ZNF84: variants seen among roughly 807,000 people sequenced by gnomAD.
ZNF84 encodes the protein zinc finger protein 84, also known as zinc finger protein HPF2.
In ZNF84, 12 loss-of-function variants were observed where a neutral mutation model predicts 14.8. The observed-to-expected ratio is 0.81, with a 90% confidence interval of 0.52 to 1.31. ZNF84 has a LOEUF of 1.31. Ranked by LOEUF, ZNF84 falls within the 50% of genes most tolerant of loss-of-function variation. The pLI is 0.00. For missense variants in ZNF84, 859 were observed against 878.6 expected (o/e 0.98, Z 0.28); for synonymous variants, 347 against 291.1 (o/e 1.19, Z -1.96).
chr12:133,047,024 A>G (rs1953994754), intron 2 of ZNF84, among the ~76,000 whole-genome samples: 1 of 148,886 alleles, frequency 6.7e-6, no homozygotes, highest in South Asian at 2.1e-4. Flanking sequence ...TTGGTCTCAA[A>G]CTTTTGGGCA....
chr12:133,039,683 AC>A (rs1317971194), intron 1 of ZNF84, among the ~76,000 whole-genome samples: 13 of 152,020 alleles, frequency 8.6e-5, no homozygotes, highest in Non-Finnish European at 2.9e-5. Context: ...TCCTTTTAAC[AC>A]CTCATTTGTT....
chr12:133,061,037 T>G lies in ZNF84; in HGVS notation c.*2105T>G, dbSNP rs1954254732. 6.6e-6 allele frequency: 1 copy of G among 152,240 alleles called. No homozygotes were observed. Among genetic ancestry groups the G allele is most frequent in the East Asian group, 1.9e-4 (1 of 5,198 alleles). 9.4% of individuals were successfully genotyped at this position (152,240 alleles called of 1,614,324 possible). ...CCTTTAATTATTGATTTTGCAACAT[T>G]TTGGGAAAGTTGGAATTTTAAATAA... On this transcript the variant is annotated 3_prime_UTR_variant, in exon 5 of 5. Coordinates refer to ENST00000539354, the MANE Select transcript of ZNF84 (RefSeq NM_001289971.2).
chr12:133,054,110 T>C (rs1954112920), intron 4 of ZNF84, among the ~76,000 whole-genome samples: 1 of 151,906 alleles, frequency 6.6e-6, no homozygotes, highest in Non-Finnish European at 1.5e-5. Context: ...ACCCCAACAC[T>C]CTGGGAGAGA....
intron 2 of ZNF84, 88 bp downstream of exon 2, chr12:133,041,570 T>G (rs1953890349): frequency 7.2e-7 from 1 of 1,393,940 alleles, no homozygotes; most frequent in East Asian, 2.3e-5. Flanking sequence ...TTTAAATAGT[T>G]AAGAAATCAG....
In ZNF84 at chr12:133,060,146, T is replaced by G. The variant is rs1017211519; in HGVS notation, c.*1214T>G. The G allele has an allele frequency of 4.6e-5, 7 of 152,206 alleles. No homozygotes were observed. Among genetic ancestry groups the G allele is most frequent in the Non-Finnish European group, 8.8e-5 (6 of 68,026 alleles). 9.4% of individuals were successfully genotyped at this position (152,206 alleles called of 1,614,324 possible). A position where few individuals can be genotyped will look rare whatever the true frequency, so the allele number is the denominator to read the frequency against. ...ATATATATATGTATCTTAAGTGATATGTAACCCAAATGTCACTATTTTAAT... is the reference window on the plus strand; with the variant it reads ...ATATATATATGTATCTTAAGTGATAGGTAACCCAAATGTCACTATTTTAAT... On this transcript the variant is annotated 3_prime_UTR_variant, in exon 5 of 5. Transcript: ENST00000539354.
Position 133,057,951 on chromosome 12 carries a change from TAGAG to T in ZNF84, c.1241_1244del (p.Glu414GlyfsTer37). The T allele has an allele frequency of 6.2e-7, 1 of 1,613,716 alleles. No homozygotes were observed. Among genetic ancestry groups the T allele is most frequent in the Non-Finnish European group, 8.5e-7 (1 of 1,179,928 alleles). On this transcript the variant is annotated frameshift_variant, in exon 5 of 5. Transcript: ENST00000539354. LOFTEE classifies it low-confidence loss of function (END_TRUNC). Reference sequence around the variant, plus strand: ...AATGCAGCGAGTGTAGGAAAGCATTTAGAGAGAGGTCGAGTCTCATTAATCATCA... The same window carrying T: ...AATGCAGCGAGTGTAGGAAAGCATTTAGAGGTCGAGTCTCATTAATCATCA...
Position 133,062,480 on chromosome 12 carries a change from A to G in ZNF84, c.*3548A>G, listed in dbSNP as rs1954281068. 6.6e-6 allele frequency: 1 copy of G among 152,468 alleles called. No individual in the cohort carries two copies. The highest frequency in any genetic ancestry group is 1.5e-5 in the Non-Finnish European group (1 of 68,208). 9.4% of individuals were successfully genotyped at this position (152,468 alleles called of 1,614,324 possible). A position where few individuals can be genotyped will look rare whatever the true frequency, so the allele number is the denominator to read the frequency against. ...TTGGTCATTCCAGCAATCTATGTCC[A>G]GGTTGTCAATTTCAGAGGTCTTATT... On this transcript the variant is annotated 3_prime_UTR_variant, in exon 5 of 5. Transcript: ENST00000539354.
chr12:133,041,565 A>G (rs2137328059), intron 2 of ZNF84, 83 bp downstream of exon 2: 4 of 1,427,902 alleles, frequency 2.8e-6, no homozygotes, highest in Non-Finnish European at 4.0e-6. Context: ...AAAAGTTTAA[A>G]TAGTTAAGAA....
At chr12:133,047,762 G>C in intron 2 of ZNF84, 193 bp from the exon 3 acceptor site, 1 of 510,710 alleles carries the variant, frequency 2.0e-6, no homozygotes. Context: ...TTAATCTTTA[G>C]GTTAACAGTT....
Position 133,058,986 on chromosome 12 carries a change from A to AT in ZNF84, c.*56dup, listed in dbSNP as rs1305657950. 1 of 1,493,898 alleles carries AT rather than the reference A, an allele frequency of 6.7e-7. No individual in the cohort carries two copies. The highest frequency in any genetic ancestry group is 1.4e-5 in the African/African-American group (1 of 71,558). 92.5% of individuals were successfully genotyped at this position (1,493,898 alleles called of 1,614,324 possible). On this transcript the variant is annotated 3_prime_UTR_variant, in exon 5 of 5. Coordinates refer to ENST00000539354, the MANE Select transcript of ZNF84 (RefSeq NM_001289971.2). ...ATCATCTTGGACTTCAGGAAATGCA[A>AT]TTATGATAACGTTTGTAGACAGTCA... is the stretch of plus-strand genomic sequence containing the variant.
At position 133,059,071 on chromosome 12, in the gene ZNF84, A is replaced by G; in HGVS notation, c.*139A>G. ...GAACTCTAAATGAGGTGGTGTATGG[A>G]AAGCCGATCATAATTCATAGAGTAG... On this transcript the variant is annotated 3_prime_UTR_variant, in exon 5 of 5. Transcript: ENST00000539354. 1.2e-6 allele frequency: 1 copy of G among 843,004 alleles called. No homozygotes were observed. The highest frequency in any genetic ancestry group is 1.8e-6 in the Non-Finnish European group (1 of 550,420). The allele number at this position is 843,004 out of a possible 1,614,324, so 52.2% of individuals were successfully genotyped here. A position where few individuals can be genotyped will look rare whatever the true frequency, so the allele number is the denominator to read the frequency against.
At chr12:133,052,304 A>G (rs1360904189) in intron 4 of ZNF84, among the ~76,000 whole-genome samples, 4 of 152,090 alleles carry the variant, frequency 2.6e-5, no homozygotes, top group African/African-American at 7.2e-5. Context: ...CAGTGTGTAC[A>G]TGGAGAGAGA....
chr12:133,048,175 T>C, intron 3 of ZNF84, 94 bp downstream of exon 3: 1 of 1,246,082 alleles, frequency 8.0e-7, no homozygotes, highest in Non-Finnish European at 1.1e-6. Context: ...ATAGCTAGGC[T>C]TCTGAAATTT....
rs931857410 is a variant in ZNF84 at position 133,042,850 on chromosome 12, A to G, written c.15+1368A>G. 2.6e-5 allele frequency among the ~76,000 whole-genome samples: 4 copies of G among 152,366 alleles called. No individual in the cohort carries two copies. The South Asian group carries it at 8.3e-4, about 32-fold the overall frequency. On this transcript the variant is annotated intron_variant, in intron 2 of 4. Coordinates refer to ENST00000539354, the MANE Select transcript of ZNF84 (RefSeq NM_001289971.2). The stretch of plus-strand genomic sequence containing the variant: ...TTTGATGAATTGTTATCAGTGGAAT[A>G]TGCATGAAATCACCACTCAGATCAG...
Position 133,058,959 on chromosome 12 carries a change from A to T in ZNF84, c.*27A>T. The T allele has an allele frequency of 6.5e-7, 1 of 1,543,418 alleles. No homozygotes were observed. Among genetic ancestry groups the T allele is most frequent in the Non-Finnish European group, 8.7e-7 (1 of 1,150,942 alleles). On this transcript the variant is annotated 3_prime_UTR_variant, in exon 5 of 5. Transcript: ENST00000539354. ...AATACAGTTAATAGTAGTCTTTGAC[A>T]GATCATCTTGGACTTCAGGAAATGC...
At chr12:133,040,866 G>A (rs1170509427) in intron 1 of ZNF84, 2 of 152,122 alleles carry the variant, frequency 1.3e-5, no homozygotes, top group African/African-American at 4.8e-5. Flanking sequence ...ATTAATAGAA[G>A]ATTTTAATAG....
At chr12:133,043,765 T>G (rs1275974472) in intron 2 of ZNF84, among the ~76,000 whole-genome samples, 2 of 152,006 alleles carry the variant, frequency 1.3e-5, no homozygotes, top group Non-Finnish European at 2.9e-5. Context: ...ATTTTTTTAT[T>G]TTTTTTGAGG....
intron 2 of ZNF84, among the ~76,000 whole-genome samples, chr12:133,044,154 T>C (rs1953937453): frequency 6.6e-6 from 1 of 150,492 alleles, no homozygotes; most frequent in African/African-American, 2.4e-5. Context: ...TTTTTTCTTT[T>C]TGTTTTAAGA....
At chr12:133,050,106 T>C (rs761728965) in intron 4 of ZNF84, among the ~76,000 whole-genome samples, 21 of 152,234 alleles carry the variant, frequency 1.4e-4, no homozygotes, top group Non-Finnish European at 2.4e-4. Flanking sequence ...TAAGAACTTA[T>C]TGGGGACATG....
Sources: gnomAD v4.1 joint callset for allele counts (sites outside exome capture counted in the v4.1 genomes callset) on GRCh38, gnomAD v4.1.1 for gene constraint, MANE v1.5 for transcripts, NCBI Gene and HGNC (gene_info 2026-07-23, HGNC 2026-07-21) for gene names.